The following ZNF385D variants were observed in gnomAD, a reference collection of about 807,000 sequenced individuals.
The protein encoded by ZNF385D is zinc finger protein 385D.
In ZNF385D, 15 loss-of-function variants were observed where a neutral mutation model predicts 35.8. The ratio of observed to expected loss-of-function variants is 0.42; its 90% CI spans 0.28 to 0.64. ZNF385D has a LOEUF of 0.64. Among genes scored for constraint, ZNF385D ranks in the 30% least tolerant of loss-of-function variants. ZNF385D has a pLI of 0.23. For missense variants in ZNF385D, 474 were observed against 494.6 expected (o/e 0.96, Z 0.39); for synonymous variants, 212 against 186.8 (o/e 1.13, Z -1.10).
chr3:21,463,781 A>G (rs1178669821), intron 4 of ZNF385D, among the ~76,000 whole-genome samples: 1 of 152,162 alleles, frequency 6.6e-6, no homozygotes, highest in Admixed American at 6.5e-5. Context: ...GAGTTTACTA[A>G]CCAAAATCCA....
chr3:21,722,320 T>A (rs13314718), intron 1 of ZNF385D, among the ~76,000 whole-genome samples: 1 of 151,996 alleles, frequency 6.6e-6, no homozygotes, highest in Non-Finnish European at 1.5e-5. Context: ...GTGTGAACAA[T>A]AGACATTTTG....
intron 1 of ZNF385D, among the ~76,000 whole-genome samples, chr3:21,682,153 A>T (rs1230366496): frequency 6.6e-6 from 1 of 152,198 alleles, no homozygotes; most frequent in Admixed American, 6.5e-5. Flanking sequence ...ATTACATAGA[A>T]ATCTAACAAA....
chr3:22,343,549 G>A (rs1559531345), intron 2 of ZNF385D, among the ~76,000 whole-genome samples: 1 of 151,788 alleles, frequency 6.6e-6, no homozygotes, highest in African/African-American at 2.4e-5. Context: ...GCAACAGCAA[G>A]AGAGAATCCT....
At chr3:21,755,485 C>G (rs1398682204), upstream of ZNF385D, among the ~76,000 whole-genome samples, 1 of 152,166 alleles carries the variant, frequency 6.6e-6, no homozygotes, top group South Asian at 2.1e-4. Context: ...ACTACATTCC[C>G]TTTCACCTGC....
chr3:22,208,757 T>C (rs1697324717), intron 2 of ZNF385D, among the ~76,000 whole-genome samples: 1 of 151,730 alleles, frequency 6.6e-6, no homozygotes, highest in Admixed American at 6.6e-5. Context: ...GTATGCACAA[T>C]ACTTTTCTAA....
chr3:22,218,830 A>G (rs1698061792), intron 2 of ZNF385D, among the ~76,000 whole-genome samples: 2 of 151,978 alleles, frequency 1.3e-5, no homozygotes, highest in South Asian at 4.1e-4. Context: ...CAGTTTTTCT[A>G]TTTGTCCTTA....
intron 3 of ZNF385D, among the ~76,000 whole-genome samples, chr3:21,800,598 C>T (rs2072352553): frequency 6.6e-6 from 1 of 152,014 alleles, no homozygotes; most frequent in Non-Finnish European, 1.5e-5. Flanking sequence ...CAGAGTGAGA[C>T]CTTGCTATTT....
intron 3 of ZNF385D, among the ~76,000 whole-genome samples, chr3:22,074,823 C>A (rs1700388708): frequency 6.6e-6 from 1 of 151,878 alleles, no homozygotes; most frequent in African/African-American, 2.4e-5. Context: ...AAAAGTACAT[C>A]CTTTCACTGA....
chr3:21,913,881 G>A (rs1168386741), intron 3 of ZNF385D, among the ~76,000 whole-genome samples: 1 of 152,070 alleles, frequency 6.6e-6, no homozygotes, highest in African/African-American at 2.4e-5. Context: ...GTTAAAATTA[G>A]GCAAGGATTT....
intron 2 of ZNF385D, among the ~76,000 whole-genome samples, chr3:22,245,960 T>C (rs1026707572): frequency 2.6e-5 from 4 of 152,090 alleles, no homozygotes; most frequent in African/African-American, 9.7e-5. Flanking sequence ...GAGCTCCTTA[T>C]GAAAAGAGCT....
intron 3 of ZNF385D, among the ~76,000 whole-genome samples, chr3:21,828,915 T>G (rs1425094504): frequency 6.6e-6 from 1 of 152,222 alleles, no homozygotes; most frequent in Non-Finnish European, 1.5e-5. Flanking sequence ...GTACAAACTC[T>G]GGTTCCATCT....
At position 22,238,168 on chromosome 3, in the gene ZNF385D, C is replaced by T. The variant is rs146223828; in HGVS notation, c.107-69133G>A. Among the ~76,000 whole-genome samples, 1,036 of 151,246 alleles carry T rather than the reference C, an allele frequency of 6.8e-3. 46 individuals are homozygous for T. Among genetic ancestry groups the T allele is most frequent in the African/African-American group, 0.016 (649 of 40,970 alleles). On this transcript the variant is annotated intron_variant, in intron 2 of 5. Coordinates refer to the ZNF385D transcript ENST00000494108. Reference sequence around the variant, plus strand: ...AATTCTATTCTACTAATCTACATATCTATCCTTATGCCTGTACCACATTCC... The same window carrying T: ...AATTCTATTCTACTAATCTACATATTTATCCTTATGCCTGTACCACATTCC...
chr3:22,226,578 C>T (rs940488729), intron 2 of ZNF385D, among the ~76,000 whole-genome samples: 2 of 152,110 alleles, frequency 1.3e-5, no homozygotes, highest in African/African-American at 4.8e-5. Flanking sequence ...TGTTTAAGAA[C>T]CTGTGATTAA....
At chr3:22,283,421 A>G (rs1701868658) in intron 2 of ZNF385D, among the ~76,000 whole-genome samples, 1 of 152,304 alleles carries the variant, frequency 6.6e-6, no homozygotes, top group South Asian at 2.1e-4. Context: ...TCCTTCTTAA[A>G]TAGGAGCACA....
intron 3 of ZNF385D, among the ~76,000 whole-genome samples, chr3:22,014,952 G>C (rs1287426536): frequency 6.6e-6 from 1 of 152,110 alleles, no homozygotes; most frequent in Non-Finnish European, 1.5e-5. Context: ...AATATTTGAG[G>C]AGTGAATTAG....
chr3:21,768,226 C>A (rs905876828), intron 3 of ZNF385D, among the ~76,000 whole-genome samples: 2 of 152,032 alleles, frequency 1.3e-5, no homozygotes, highest in Admixed American at 1.3e-4. Context: ...AGAGTTATTA[C>A]CTATTTTATA....
At chr3:21,561,142 G>T (rs1192062044) in intron 3 of ZNF385D, among the ~76,000 whole-genome samples, 2 of 152,192 alleles carry the variant, frequency 1.3e-5, no homozygotes, top group African/African-American at 4.8e-5. Context: ...CCCCTTTCCG[G>T]GGGAGTGAAT....
chr3:22,147,869 A>G (rs1302867386), intron 3 of ZNF385D, among the ~76,000 whole-genome samples: 4 of 152,148 alleles, frequency 2.6e-5, no homozygotes, highest in African/African-American at 7.2e-5. Flanking sequence ...TCTTTTGCTG[A>G]GCTTGAATTT....
At chr3:21,504,910 T>TG (rs935606868) in intron 4 of ZNF385D, among the ~76,000 whole-genome samples, 54 of 152,206 alleles carry the variant, frequency 3.5e-4, no homozygotes, top group African/African-American at 1.3e-3. Context: ...ATGAAGAACA[T>TG]GGTTGTCAAG....
Sources: gnomAD v4.1 joint callset for allele counts (sites outside exome capture counted in the v4.1 genomes callset) on GRCh38, gnomAD v4.1.1 for gene constraint, MANE v1.5 for transcripts, NCBI Gene and HGNC (gene_info 2026-07-23, HGNC 2026-07-21) for gene names.